The following SPRR2G variants were observed in gnomAD, a reference collection of about 807,000 sequenced individuals.
The protein encoded by SPRR2G is small proline-rich protein 2G.
Under a neutral mutation model 0.7 loss-of-function variants are expected in SPRR2G, and 1 was observed. The ratio of observed to expected loss-of-function variants is 1.49; its 90% CI spans 0.53 to 7.06. The LOEUF is 7.06. Ranked by LOEUF, SPRR2G falls within the 30% of genes most tolerant of loss-of-function variation. The pLI is 0.14. For synonymous variants in SPRR2G, 38 were observed against 33.9 expected (o/e 1.12, Z -0.42); for missense variants, 96 against 88.5 (o/e 1.09, Z -0.34).
At chr1:153,179,331 C>G in the SPRR2G span, among the ~76,000 whole-genome samples, 1 of 152,086 alleles carries the variant, frequency 6.6e-6, no homozygotes, top group African/African-American at 2.4e-5. Context: ...TGTCATGCAG[C>G]CAAGCTGACA....
the SPRR2G span, among the ~76,000 whole-genome samples, chr1:153,161,217 T>C: frequency 7.5e-5 from 9 of 119,390 alleles, no homozygotes; most frequent in African/African-American, 2.4e-4. Flanking sequence ...ACATGTACCC[T>C]AAAACTTAAA....
At chr1:153,190,954 A>C in the SPRR2G span, 3 of 152,202 alleles carry the variant, frequency 2.0e-5, no homozygotes, top group Non-Finnish European at 4.4e-5. Flanking sequence ...GATGTAAAAA[A>C]GTCAAGAGAG....
At position 153,149,820 on chromosome 1, in the gene SPRR2G, A is replaced by G; in HGVS notation, c.*69T>C. 1 of 1,576,804 alleles carries G rather than the reference A, an allele frequency of 6.3e-7. No homozygotes were observed. The highest frequency in any genetic ancestry group is 8.7e-7 in the Non-Finnish European group (1 of 1,148,356). On this transcript the variant is annotated 3_prime_UTR_variant, in exon 2 of 2. Coordinates refer to ENST00000368748, the MANE Select transcript of SPRR2G (RefSeq NM_001014291.4). Reference sequence around the variant, plus strand: ...TCCCACTACAGCTGAAGGGAAGATGATGGAGTCCTGGGAGTAAGAAGAGCC... The same window carrying G: ...TCCCACTACAGCTGAAGGGAAGATGGTGGAGTCCTGGGAGTAAGAAGAGCC...
chr1:153,150,148 A>G lies in SPRR2G; in HGVS notation c.-21-17T>C, dbSNP rs766627382. The G allele has an allele frequency of 8.7e-6, 14 of 1,609,192 alleles. No individual in the cohort carries two copies. Among genetic ancestry groups the G allele is most frequent in the Non-Finnish European group, 1.2e-5 (14 of 1,179,796 alleles). ...TCAGAGAATCTGAAAGATACATACG[A>G]AACAGTGCTCATAAGAGAGACAGTC... On this transcript the variant is annotated splice_polypyrimidine_tract_variant and intron_variant, in intron 1 of 1. Transcript: ENST00000368748.
the SPRR2G span, among the ~76,000 whole-genome samples, chr1:153,187,928 T>C: frequency 1.3e-5 from 2 of 152,240 alleles, no homozygotes; most frequent in Admixed American, 6.5e-5. Flanking sequence ...TATTGCTCTC[T>C]GTTTGTTAGT....
chr1:153,187,920 T>C, the SPRR2G span, among the ~76,000 whole-genome samples: 2 of 152,216 alleles, frequency 1.3e-5, no homozygotes, highest in African/African-American at 4.8e-5. Flanking sequence ...GTTGATGTTA[T>C]TGCTCTCTGT....
the SPRR2G span, among the ~76,000 whole-genome samples, chr1:153,180,523 G>T: frequency 6.6e-6 from 1 of 152,088 alleles, no homozygotes; most frequent in Non-Finnish European, 1.5e-5. Flanking sequence ...TTGCTAAAAG[G>T]TATTTTAGTA....
At chr1:153,169,631 C>T in the SPRR2G span, among the ~76,000 whole-genome samples, 1 of 151,646 alleles carries the variant, frequency 6.6e-6, no homozygotes, top group Non-Finnish European at 1.5e-5. Flanking sequence ...ACAGTGATGA[C>T]TTTCATGTCC....
the SPRR2G span, among the ~76,000 whole-genome samples, chr1:153,165,981 G>A: frequency 0.015 from 2,233 of 152,252 alleles, 26 homozygotes; most frequent in African/African-American, 0.021. Context: ...ACCTCTGACC[G>A]TAAACTCCAC....
Position 153,149,886 on chromosome 1 carries a change from A to T in SPRR2G, c.*3T>A. ...TTCATGGTCCTGATGAATTCTAGTG[A>T]TGTTACTTGCTCTTGGGTGGATACT... On this transcript the variant is annotated 3_prime_UTR_variant, in exon 2 of 2. Transcript: ENST00000368748. 6.2e-7 allele frequency: 1 copy of T among 1,613,978 alleles called. No homozygotes were observed.
intron 1 of SPRR2G, among the ~76,000 whole-genome samples, 194 bp downstream of exon 1, chr1:153,150,658 A>G (rs928784458): frequency 6.6e-6 from 1 of 152,224 alleles, no homozygotes; most frequent in African/African-American, 2.4e-5. Flanking sequence ...AAGATTTTAT[A>G]TATTTGACTC....
chr1:153,196,186 A>G, the SPRR2G span, among the ~76,000 whole-genome samples: 1 of 152,142 alleles, frequency 6.6e-6, no homozygotes, highest in Non-Finnish European at 1.5e-5. Flanking sequence ...CATCTTACTT[A>G]ATTATTTTAT....
the SPRR2G span, among the ~76,000 whole-genome samples, chr1:153,187,227 T>C: frequency 6.6e-6 from 1 of 152,222 alleles, no homozygotes; most frequent in Non-Finnish European, 1.5e-5. Flanking sequence ...CTGTATTTCC[T>C]GAATTTGAAT....
chr1:153,160,946 A>G, the SPRR2G span, among the ~76,000 whole-genome samples: 1 of 151,720 alleles, frequency 6.6e-6, no homozygotes, highest in African/African-American at 2.4e-5. Context: ...TTGTAGGGAC[A>G]TGGATGAAGC....
At chr1:153,198,049 A>C in the SPRR2G span, among the ~76,000 whole-genome samples, 3 of 152,214 alleles carry the variant, frequency 2.0e-5, no homozygotes, top group African/African-American at 7.2e-5. Context: ...TAAAAATTTC[A>C]GAATGAGCTT....
the SPRR2G span, among the ~76,000 whole-genome samples, chr1:153,159,176 C>T: frequency 4.6e-5 from 7 of 152,206 alleles, no homozygotes; most frequent in Non-Finnish European, 5.9e-5. Context: ...ATGTATGTGA[C>T]GGTATGCTTT....
chr1:153,184,494 T>A, the SPRR2G span, among the ~76,000 whole-genome samples: 8 of 152,230 alleles, frequency 5.3e-5, no homozygotes, highest in East Asian at 1.3e-3. Context: ...TCACTCATGA[T>A]TTGGCTCTCT....
the SPRR2G span, chr1:153,176,778 C>T: frequency 1.3e-5 from 2 of 152,224 alleles, no homozygotes; most frequent in Admixed American, 6.5e-5. Flanking sequence ...AGTGAAAAAG[C>T]CCAGCAATAA....
chr1:153,152,754 T>G (rs1049319901), upstream of SPRR2G, among the ~76,000 whole-genome samples: 1 of 152,234 alleles, frequency 6.6e-6, no homozygotes, highest in Non-Finnish European at 1.5e-5. Context: ...AGCTGATGCA[T>G]GCTGAAGAAT....
Sources: gnomAD v4.1 joint callset for allele counts (sites outside exome capture counted in the v4.1 genomes callset) on GRCh38, gnomAD v4.1.1 for gene constraint, MANE v1.5 for transcripts, NCBI Gene and HGNC (gene_info 2026-07-23, HGNC 2026-07-21) for gene names.